The following BNC2 variants were observed in gnomAD, a reference collection of about 807,000 sequenced individuals.
BNC2 encodes the protein basonuclin zinc finger protein 2.
Under a neutral mutation model 76.3 loss-of-function variants are expected in BNC2, and 20 were observed. The ratio of observed to expected loss-of-function variants is 0.26; its 90% confidence interval spans 0.18 to 0.38. BNC2 has a LOEUF of 0.38. Among genes scored for constraint, BNC2 ranks in the 10% least tolerant of loss-of-function variants. The pLI is 1.00. For missense variants in BNC2, 1,382 were observed against 1,399.8 expected (o/e 0.99, Z 0.20); for synonymous variants, 582 against 514.8 (o/e 1.13, Z -1.77).
At chr9:16,502,544 G>T (rs1563813220) in intron 5 of BNC2, among the ~76,000 whole-genome samples, 2 of 150,616 alleles carry the variant, frequency 1.3e-5, no homozygotes, top group Non-Finnish European at 2.9e-5. Flanking sequence ...GTTTTGTTTT[G>T]TCTTTTTTCC....
rs1048463278 is a variant in BNC2, at chr9:16,526,958, T to C, written c.669+25572A>G. On this transcript the variant is annotated intron_variant, in intron 5 of 6. Coordinates refer to ENST00000380672, the MANE Select transcript of BNC2 (RefSeq NM_017637.6). ...TTTAGTTGGTACAGTCAATGCCAAATAGAGAGAGCAGTAGCAGTTTCCTGA... is the reference window on the plus strand; with the variant it reads ...TTTAGTTGGTACAGTCAATGCCAAACAGAGAGAGCAGTAGCAGTTTCCTGA... Among the ~76,000 whole-genome samples, 8 of 152,140 alleles carry C rather than the reference T, an allele frequency of 5.3e-5. No individual in the cohort carries two copies. The East Asian group carries it at 5.8e-4, about 11-fold the overall frequency.
At chr9:16,808,452 A>T (rs1022741720) in intron 1 of BNC2, among the ~76,000 whole-genome samples, 1 of 145,518 alleles carries the variant, frequency 6.9e-6, no homozygotes, top group African/African-American at 2.5e-5. Context: ...GAATCTATCA[A>T]TATCCTAGTT....
At chr9:16,523,241 G>T (rs1455707699) in intron 5 of BNC2, among the ~76,000 whole-genome samples, 1 of 152,076 alleles carries the variant, frequency 6.6e-6, no homozygotes, top group African/African-American at 2.4e-5. Flanking sequence ...GGAGGCCGAG[G>T]TGGGTGGATC....
chr9:16,448,339 A>T (rs552921669), intron 5 of BNC2, among the ~76,000 whole-genome samples: 52 of 152,134 alleles, frequency 3.4e-4, no homozygotes, highest in South Asian at 8.3e-4. Context: ...GGCGCAAAAA[A>T]TTTTTTTACA....
At chr9:16,510,366 A>T (rs535652140) in intron 5 of BNC2, among the ~76,000 whole-genome samples, 66 of 152,338 alleles carry the variant, frequency 4.3e-4, no homozygotes, top group African/African-American at 1.6e-3. Flanking sequence ...CTACTTCGTC[A>T]TGAAAAGAAA....
intron 5 of BNC2, among the ~76,000 whole-genome samples, chr9:16,461,594 G>A (rs1821582096): frequency 1.3e-5 from 2 of 151,856 alleles, no homozygotes; most frequent in South Asian, 4.2e-4. Flanking sequence ...AGGACAACGT[G>A]GTGGGGGGTG....
chr9:16,583,657 C>T (rs939179548), intron 3 of BNC2, among the ~76,000 whole-genome samples: 3 of 152,104 alleles, frequency 2.0e-5, no homozygotes, highest in Admixed American at 6.5e-5. Context: ...AATCACATCC[C>T]AATTCCTTGA....
chr9:16,837,978 T>G (rs1818745463), intron 1 of BNC2, among the ~76,000 whole-genome samples: 1 of 151,982 alleles, frequency 6.6e-6, no homozygotes, highest in Non-Finnish European at 1.5e-5. Context: ...CTGCTTTCTG[T>G]ATTTTATGAT....
intron 1 of BNC2, among the ~76,000 whole-genome samples, chr9:16,805,712 T>C (rs942350680): frequency 1.7e-4 from 20 of 114,804 alleles, no homozygotes; most frequent in Non-Finnish European, 2.4e-4. Context: ...TTTGCATACA[T>C]GCACACACAC....
At chr9:16,685,203 G>A (rs1822939540) in intron 3 of BNC2, among the ~76,000 whole-genome samples, 1 of 152,166 alleles carries the variant, frequency 6.6e-6, no homozygotes, top group Admixed American at 6.5e-5. Context: ...ACCTTGTGTG[G>A]TAAATCTCCA....
chr9:16,858,024 T>C (rs1285894648), intron 1 of BNC2, among the ~76,000 whole-genome samples: 1 of 152,248 alleles, frequency 6.6e-6, no homozygotes, highest in Non-Finnish European at 1.5e-5. Context: ...AAATATGCTA[T>C]ACCAGATTTG....
At chr9:16,831,514 G>T (rs1263986682) in intron 1 of BNC2, among the ~76,000 whole-genome samples, 1 of 152,202 alleles carries the variant, frequency 6.6e-6, no homozygotes, top group Non-Finnish European at 1.5e-5. Flanking sequence ...TGACTCTCAT[G>T]TCAAATTCAA....
intron 2 of BNC2, among the ~76,000 whole-genome samples, chr9:16,728,663 C>T (rs1002193261): frequency 6.6e-5 from 10 of 151,194 alleles, no homozygotes; most frequent in Middle Eastern, 3.4e-3. Flanking sequence ...CTATTTATAA[C>T]CACATAGAAA....
At chr9:16,537,351 TA>T (rs1220100449) in intron 5 of BNC2, among the ~76,000 whole-genome samples, 1 of 152,136 alleles carries the variant, frequency 6.6e-6, no homozygotes, top group Non-Finnish European at 1.5e-5. Context: ...AAAAATCTTT[TA>T]AAAGTATTCT....
chr9:16,853,258 A>C (rs1016500447), intron 1 of BNC2, among the ~76,000 whole-genome samples: 3 of 146,196 alleles, frequency 2.1e-5, no homozygotes, highest in African/African-American at 7.7e-5. Context: ...TCTCTACAAA[A>C]AACTAGCTGG....
At chr9:16,481,987 A>G (rs1391105342) in intron 5 of BNC2, among the ~76,000 whole-genome samples, 1 of 152,230 alleles carries the variant, frequency 6.6e-6, no homozygotes, top group Non-Finnish European at 1.5e-5. Context: ...CTGAGCTCCA[A>G]AGTATGTGTA....
At chr9:16,538,475 G>A (rs1269126543) in intron 5 of BNC2, among the ~76,000 whole-genome samples, 2 of 152,148 alleles carry the variant, frequency 1.3e-5, no homozygotes, top group African/African-American at 2.4e-5. Flanking sequence ...CTAAATGAGT[G>A]ACTTCACAGG....
In BNC2 at chr9:16,820,805, G is replaced by GA. The variant is rs753728302; in HGVS notation, c.3+49840dup. On this transcript the variant is annotated intron_variant, in intron 1 of 6. Coordinates refer to ENST00000380672, the MANE Select transcript of BNC2 (RefSeq NM_017637.6). ...ATGAAACAGGCCAAGTGTATAAAGGGAAAAAAAAAAAACACTAAAAGTTTA... is the reference window on the plus strand; with the variant it reads ...ATGAAACAGGCCAAGTGTATAAAGGGAAAAAAAAAAAAACACTAAAAGTTTA... Among the ~76,000 whole-genome samples the GA allele has an allele frequency of 2.6e-3, 360 of 136,946 alleles. 1 individual carries two copies. The highest frequency in any genetic ancestry group is 7.3e-3 in the East Asian group (34 of 4,676). 89.8% of individuals were successfully genotyped at this position (136,946 alleles called of 152,430 possible).
At chr9:16,512,364 T>G (rs192224002) in intron 5 of BNC2, among the ~76,000 whole-genome samples, 127 of 152,298 alleles carry the variant, frequency 8.3e-4, no homozygotes, top group African/African-American at 3.0e-3. Flanking sequence ...ATAATAATCC[T>G]CAAGCCAATA....
Sources: gnomAD v4.1 joint callset for allele counts (sites outside exome capture counted in the v4.1 genomes callset) on GRCh38, gnomAD v4.1.1 for gene constraint, MANE v1.5 for transcripts, NCBI Gene and HGNC (gene_info 2026-07-23, HGNC 2026-07-21) for gene names.